The following ANKFY1 variants were observed in gnomAD, a reference collection of about 807,000 sequenced individuals.
ANKFY1 encodes ankyrin repeat and FYVE domain-containing protein 1.
ANKFY1 carries 47 observed loss-of-function variants against 128.3 expected under a neutral mutation model. The observed-to-expected ratio is 0.37, with a 90% CI of 0.29 to 0.47. The LOEUF (loss-of-function observed/expected upper bound fraction) is 0.47. Ranked by LOEUF, ANKFY1 falls within the 20% of genes least tolerant of loss-of-function variation. ANKFY1 has a pLI of 1.00. For synonymous variants in ANKFY1, 553 were observed against 601.6 expected, an observed-to-expected ratio of 0.92 and a Z score of 1.18; for missense variants, 1,222 against 1,510.6, an observed-to-expected ratio of 0.81 and a Z score of 3.17.
At chr17:4,200,384 CA>C (rs2059907013) in intron 7 of ANKFY1, among the ~76,000 whole-genome samples, 1 of 152,142 alleles carries the variant, frequency 6.6e-6, no homozygotes, top group Non-Finnish European at 1.5e-5. Flanking sequence ...TTCAAGGGTT[CA>C]GTTAAACATC....
intron 19 of ANKFY1, among the ~76,000 whole-genome samples, chr17:4,175,912 G>A (rs989133033): frequency 2.0e-5 from 3 of 152,142 alleles, no homozygotes; most frequent in African/African-American, 4.8e-5. Flanking sequence ...GTTTCTGGGC[G>A]ATCCTATCAT....
chr17:4,226,968 A>G (rs1340819769), intron 3 of ANKFY1, among the ~76,000 whole-genome samples: 2 of 152,176 alleles, frequency 1.3e-5, no homozygotes, highest in Non-Finnish European at 2.9e-5. Context: ...TAACAAATTC[A>G]ACAACTTAAA....
chr17:4,198,631 C>G (rs2059871183), intron 7 of ANKFY1, among the ~76,000 whole-genome samples: 1 of 152,140 alleles, frequency 6.6e-6, no homozygotes, highest in African/African-American at 2.4e-5. Flanking sequence ...CTCGGCCTCC[C>G]AAAATGCTGG....
chr17:4,211,534 G>A (rs1475543755), intron 4 of ANKFY1, among the ~76,000 whole-genome samples: 1 of 151,862 alleles, frequency 6.6e-6, no homozygotes, highest in Admixed American at 6.6e-5. Flanking sequence ...TCCTCATAAA[G>A]CCGCATAATA....
Position 4,263,949 on chromosome 17 carries a change from C to T in ANKFY1, c.-8G>A. On this transcript the variant is annotated 5_prime_UTR_variant, in exon 1 of 25. Coordinates refer to ENST00000341657, the MANE Select transcript of ANKFY1 (RefSeq NM_001330063.2). ...AACCCTACCTTCCGCCATGTCTGGCCCGGCACTGCCTGCAACCTCGCGAGA... is the reference window on the plus strand; with the variant it reads ...AACCCTACCTTCCGCCATGTCTGGCTCGGCACTGCCTGCAACCTCGCGAGA... The T allele has an allele frequency of 6.2e-7, 1 of 1,613,996 alleles. No individual in the cohort carries two copies. The highest frequency in any genetic ancestry group is 1.1e-5 in the South Asian group (1 of 91,082).
chr17:4,167,860 A>G lies in ANKFY1; in HGVS notation c.3429T>C (p.Pro1143=). Residue 1143 remains proline (P), a synonymous_variant, in exon 25 of 25, where the codon CCT becomes CCC. Coordinates refer to ENST00000341657, the MANE Select transcript of ANKFY1 (RefSeq NM_001330063.2). This position sits in a 1 kb window ranked among gnomAD's most constrained non-coding sequence, Gnocchi z 4.1. ...GCTTGTTCAGATCAAACTTTATAAT[A>G]GGAATCTCCTTGGTCGAGCATTTAT... ...LCHKCSTKEI[P]IIKFDLNKPV... 6.2e-7 allele frequency: 1 copy of G among 1,614,120 alleles called. No individual in the cohort carries two copies. Among genetic ancestry groups the G allele is most frequent in the South Asian group, 1.1e-5 (1 of 91,082 alleles).
Position 4,169,310 on chromosome 17 carries a change from C to T in ANKFY1, c.3287-22G>A, listed in dbSNP as rs373277910. The T allele has an allele frequency of 5.0e-5, 76 of 1,532,528 alleles. No homozygotes were observed. Among genetic ancestry groups the T allele is most frequent in the African/African-American group, 1.9e-4 (14 of 72,636 alleles). The allele number at this position is 1,532,528 out of a possible 1,614,324, so 94.9% of individuals were successfully genotyped here. On this transcript the variant is annotated intron_variant, in intron 23 of 24. Transcript: ENST00000341657. This position sits in a 1 kb window ranked among gnomAD's most constrained non-coding sequence, Gnocchi z 5.0. ...ATATCTGCAACACAGGGGGGAGGCC[C>T]GGTCCCGTCAAACCGCGACGGCGCC...
At chr17:4,205,098 A>T (rs556228837) in intron 7 of ANKFY1, among the ~76,000 whole-genome samples, 1 of 152,372 alleles carries the variant, frequency 6.6e-6, no homozygotes, top group Non-Finnish European at 1.5e-5. Flanking sequence ...AGCACAGACA[A>T]TAATAGTATA....
chr17:4,201,211 T>C (rs1474495015), intron 7 of ANKFY1, among the ~76,000 whole-genome samples: 1 of 152,154 alleles, frequency 6.6e-6, no homozygotes, highest in Non-Finnish European at 1.5e-5. Context: ...GAAAATATTT[T>C]TGTAGAGGTG....
intron 1 of ANKFY1, among the ~76,000 whole-genome samples, chr17:4,258,523 CAAA>C (rs547310575): frequency 1.5e-3 from 139 of 90,120 alleles, no homozygotes; most frequent in African/African-American, 4.7e-3. Context: ...GACTCCAACT[CAAA>C]AAAAAAAAAA....
intron 4 of ANKFY1, among the ~76,000 whole-genome samples, chr17:4,212,281 G>A (rs2060146871): frequency 6.6e-6 from 1 of 152,254 alleles, no homozygotes; most frequent in African/African-American, 2.4e-5. Context: ...AAGGCAGAAT[G>A]TGGTGGACAG....
chr17:4,197,361 TC>T lies in ANKFY1; in HGVS notation c.1103+11del, dbSNP rs2059844580. On this transcript the variant is annotated intron_variant, in intron 8 of 24. Coordinates refer to ENST00000341657, the MANE Select transcript of ANKFY1 (RefSeq NM_001330063.2). ...ACAGTGCTAAGGGCACAGTGTCTGCTCCCCAGCTTACCTCCCCTTGCTGTCC... is the reference window on the plus strand; with the variant it reads ...ACAGTGCTAAGGGCACAGTGTCTGCTCCCAGCTTACCTCCCCTTGCTGTCC... The T allele has an allele frequency of 6.2e-7, 1 of 1,613,676 alleles. No homozygotes were observed.
At chr17:4,168,496 CCTTTTTT>C (rs1356882622) in intron 24 of ANKFY1, among the ~76,000 whole-genome samples, 1 of 151,642 alleles carries the variant, frequency 6.6e-6, no homozygotes, top group Admixed American at 6.6e-5. Context: ...CTTTTTTTTT[CCTTTTTT>C]CTTTTTTGAG....
rs1393076467 is a variant in ANKFY1 at position 4,169,325 on chromosome 17, G to A, written c.3287-37C>T. ...GGGGGAGGCCCGGTCCCGTCAAACCGCGACGGCGCCACGCAAGCCCCAGGG... is the reference window on the plus strand; with the variant it reads ...GGGGGAGGCCCGGTCCCGTCAAACCACGACGGCGCCACGCAAGCCCCAGGG... On this transcript the variant is annotated intron_variant, in intron 23 of 24. Coordinates refer to ENST00000341657, the MANE Select transcript of ANKFY1 (RefSeq NM_001330063.2). This position sits in a 1 kb window ranked among gnomAD's most constrained non-coding sequence, Gnocchi z 5.0. The A allele has an allele frequency of 1.3e-5, 20 of 1,488,776 alleles. No individual in the cohort carries two copies. Among genetic ancestry groups the A allele is most frequent in the East Asian group, 2.5e-5 (1 of 40,194 alleles). 92.2% of individuals were successfully genotyped at this position (1,488,776 alleles called of 1,614,324 possible). A position where few individuals can be genotyped will look rare whatever the true frequency, so the allele number is the denominator to read the frequency against.
rs141263645 is a variant in ANKFY1, at chr17:4,169,900, T to C, written c.3287-612A>G. 4.1e-3 allele frequency among the ~76,000 whole-genome samples: 621 copies of C among 152,348 alleles called. 2 individuals carry two copies. The highest frequency in any genetic ancestry group is 7.0e-3 in the Non-Finnish European group (478 of 68,030). ...AACTCTCACTCTATCCCAGGCACTG[T>C]CTGACTGCTCTACATAGACAGGTCC... On this transcript the variant is annotated intron_variant, in intron 23 of 24. Coordinates refer to ENST00000341657, the MANE Select transcript of ANKFY1 (RefSeq NM_001330063.2). This position sits in a 1 kb window ranked among gnomAD's most constrained non-coding sequence, Gnocchi z 5.0.
At chr17:4,247,490 G>T (rs79520609) in intron 1 of ANKFY1, among the ~76,000 whole-genome samples, 27 of 152,054 alleles carry the variant, frequency 1.8e-4, no homozygotes, top group South Asian at 8.3e-4. Flanking sequence ...AGCTTTTGTC[G>T]GGGGAAACCC....
intron 1 of ANKFY1, among the ~76,000 whole-genome samples, chr17:4,259,919 G>C (rs970554335): frequency 6.6e-6 from 1 of 152,176 alleles, no homozygotes. Context: ...GAATAAAGTG[G>C]GTCAGTTGTG....
intron 8 of ANKFY1, among the ~76,000 whole-genome samples, chr17:4,197,084 G>A (rs1488149879): frequency 2.0e-5 from 3 of 152,030 alleles, no homozygotes; most frequent in Non-Finnish European, 4.4e-5. Context: ...ATACCACTGC[G>A]CTCCAGCCTG....
Position 4,178,818 on chromosome 17 carries a change from C to G in ANKFY1, c.2598+39G>C, listed in dbSNP as rs373832955. ...GTCTAGTCTCCAGGTTCCGCGACGC[C>G]CAGGACCATGTGGAGAAGGTCAGGT... On this transcript the variant is annotated intron_variant, in intron 18 of 24. Coordinates refer to ENST00000341657, the MANE Select transcript of ANKFY1 (RefSeq NM_001330063.2). The surrounding 1 kb of genome is among the most constrained non-coding windows in gnomAD (Gnocchi z 4.1). 46 of 1,599,740 alleles carry G rather than the reference C, an allele frequency of 2.9e-5. No homozygotes were observed. Among genetic ancestry groups the G allele is most frequent in the Non-Finnish European group, 3.6e-5 (42 of 1,168,166 alleles).
Sources: gnomAD v4.1 joint callset for allele counts (sites outside exome capture counted in the v4.1 genomes callset) on GRCh38, gnomAD v4.1.1 for gene constraint, Gnocchi (gnomAD v3.1) non-coding constraint, MANE v1.5 for transcripts, NCBI Gene and HGNC (gene_info 2026-07-23, HGNC 2026-07-21) for gene names.